RAD54L2: variants seen among roughly 807,000 people sequenced by gnomAD.
The protein encoded by RAD54L2 is helicase ARIP4.
Under a neutral mutation model 138.4 loss-of-function variants are expected in RAD54L2, and 27 were observed. The ratio of observed to expected loss-of-function variants is 0.20; its 90% CI spans 0.14 to 0.27. The LOEUF is 0.27. RAD54L2 is among the 10% of genes least tolerant of loss of function. The pLI, the probability that RAD54L2 is intolerant of heterozygous loss-of-function variation, is 1.00. For synonymous variants in RAD54L2, 644 were observed against 723.2 expected, an observed-to-expected ratio of 0.89 and a Z score of 1.76; for missense variants, 1,396 against 1,890.2, an observed-to-expected ratio of 0.74 and a Z score of 4.85.
At chr3:51,609,963 T>G (rs1229739673) in intron 3 of RAD54L2, among the ~76,000 whole-genome samples, 2 of 72,904 alleles carry the variant, frequency 2.7e-5, no homozygotes, top group Non-Finnish European at 5.2e-5. Flanking sequence ...CCATTTAAAA[T>G]GGATTTGGGG....
At chr3:51,571,051 C>T (rs1010539360) in intron 2 of RAD54L2, among the ~76,000 whole-genome samples, 7 of 152,046 alleles carry the variant, frequency 4.6e-5, no homozygotes, top group African/African-American at 1.7e-4. Flanking sequence ...GAACTCCTGG[C>T]CTCAGGTGAT....
intron 3 of RAD54L2, among the ~76,000 whole-genome samples, chr3:51,615,920 T>G (rs572406061): frequency 1.8e-4 from 28 of 152,194 alleles, no homozygotes; most frequent in Non-Finnish European, 3.1e-4. Flanking sequence ...TTAATCTGCT[T>G]TTTGTTTTCT....
intron 3 of RAD54L2, among the ~76,000 whole-genome samples, chr3:51,592,054 G>GTTTTTTTTTT (rs71084151): frequency 7.5e-5 from 5 of 66,874 alleles, no homozygotes; most frequent in East Asian, 5.8e-4. Flanking sequence ...TGGTTTTGGT[G>GTTTTTTTTTT]TTTTTTTTTT....
intron 3 of RAD54L2, among the ~76,000 whole-genome samples, chr3:51,622,028 G>A (rs1348600583): frequency 6.6e-6 from 1 of 152,208 alleles, no homozygotes; most frequent in Non-Finnish European, 1.5e-5. Flanking sequence ...TGAAAATGCT[G>A]TGGAAGTGTT....
chr3:51,572,986 T>C (rs1287518165), intron 2 of RAD54L2, among the ~76,000 whole-genome samples: 4 of 151,800 alleles, frequency 2.6e-5, no homozygotes, highest in Admixed American at 6.6e-5. Context: ...TGCTAAGATA[T>C]GTGTGTGTGT....
chr3:51,642,948 A>G (rs148529948), intron 15 of RAD54L2, among the ~76,000 whole-genome samples: 1 of 151,974 alleles, frequency 6.6e-6, no homozygotes, highest in Non-Finnish European at 1.5e-5. Flanking sequence ...TCAGTTTTCC[A>G]TGTGGTATTT....
intron 6 of RAD54L2, 57 bp downstream of exon 6, chr3:51,630,445 G>A: frequency 6.7e-7 from 1 of 1,498,450 alleles, no homozygotes. Flanking sequence ...GCTGAGATCG[G>A]CTATACTTTG....
At chr3:51,659,087 A>G (rs1032039542) in intron 21 of RAD54L2, among the ~76,000 whole-genome samples, 2 of 144,292 alleles carry the variant, frequency 1.4e-5, no homozygotes, top group African/African-American at 5.2e-5. Flanking sequence ...TACAAAAACC[A>G]TCCGGCTCTT....
chr3:51,551,514 C>T (rs1206619291), intron 2 of RAD54L2, among the ~76,000 whole-genome samples: 1 of 151,774 alleles, frequency 6.6e-6, no homozygotes, highest in Non-Finnish European at 1.5e-5. Flanking sequence ...CGGCTCACTG[C>T]AACCTCCGCC....
chr3:51,624,974 A>G (rs561247735), intron 3 of RAD54L2, among the ~76,000 whole-genome samples: 167 of 152,282 alleles, frequency 1.1e-3, no homozygotes, highest in African/African-American at 4.0e-3. Context: ...GACCCATGGT[A>G]CATCATTCTT....
At position 51,641,750 on chromosome 3, in the gene RAD54L2, CAG is replaced by C; in HGVS notation, c.2236_2237del (p.Leu747PhefsTer41). ...TGAACGAAATGTTTTCTGTTTCAGCCAGAGTCTTTCCACCTTGGCTCTCATCG... is the reference window on the plus strand; with the variant it reads ...TGAACGAAATGTTTTCTGTTTCAGCCAGTCTTTCCACCTTGGCTCTCATCG... The part of the protein sequence containing the change: ...KLGDKILVFS[Q>X]SLSTLALIEE... On this transcript the variant is annotated frameshift_variant and splice_region_variant, in exon 15 of 23. Transcript: ENST00000684192. LOFTEE classifies it high-confidence loss of function. 6.4e-7 allele frequency: 1 copy of C among 1,573,558 alleles called. No individual in the cohort carries two copies. The highest frequency in any genetic ancestry group is 2.3e-5 in the East Asian group (1 of 43,292).
At chr3:51,620,361 AAT>A (rs1700543143) in intron 3 of RAD54L2, among the ~76,000 whole-genome samples, 1 of 146,914 alleles carries the variant, frequency 6.8e-6, no homozygotes, top group Admixed American at 6.9e-5. Flanking sequence ...AGCCTCCCAG[AAT>A]GCTGGGATTA....
chr3:51,667,123 T>G lies in RAD54L2; in HGVS notation c.*3703T>G, dbSNP rs1480513899. On this transcript the variant is annotated 3_prime_UTR_variant, in exon 23 of 23. Coordinates refer to ENST00000684192, the MANE Select transcript of RAD54L2 (RefSeq NM_015106.4). ...GGGAAGGTCTTCTGGGGGCTTTACATTCCTTGTTACTAGTGTTCTGGATAT... is the reference window on the plus strand; with the variant it reads ...GGGAAGGTCTTCTGGGGGCTTTACAGTCCTTGTTACTAGTGTTCTGGATAT... 6.6e-6 allele frequency: 1 copy of G among 152,138 alleles called. No individual in the cohort carries two copies. The highest frequency in any genetic ancestry group is 1.5e-5 in the Non-Finnish European group (1 of 68,060). The allele number at this position is 152,138 out of a possible 1,614,324, so 9.4% of individuals were successfully genotyped here.
intron 22 of RAD54L2, among the ~76,000 whole-genome samples, chr3:51,660,900 G>A (rs1345989409): frequency 2.6e-5 from 4 of 151,578 alleles, no homozygotes; most frequent in Non-Finnish European, 4.4e-5. Context: ...GATTACAGGT[G>A]TGAGCCACCA....
chr3:51,554,078 A>G (rs1698908015), intron 2 of RAD54L2, among the ~76,000 whole-genome samples: 1 of 152,126 alleles, frequency 6.6e-6, no homozygotes, highest in Admixed American at 6.6e-5. Flanking sequence ...CAATTTCTCA[A>G]AATAAGACAA....
At chr3:51,601,696 G>A (rs1161846899) in intron 3 of RAD54L2, among the ~76,000 whole-genome samples, 4 of 149,018 alleles carry the variant, frequency 2.7e-5, no homozygotes, top group East Asian at 2.0e-4. Flanking sequence ...TGCCCTCCTC[G>A]GCCTCCCAAA....
intron 3 of RAD54L2, among the ~76,000 whole-genome samples, chr3:51,603,662 G>T (rs761586856): frequency 6.6e-6 from 1 of 152,048 alleles, no homozygotes; most frequent in African/African-American, 2.4e-5. Flanking sequence ...GGCTTGGAAG[G>T]CTGCCTGAAA....
chr3:51,585,731 T>C (rs1465013955), intron 2 of RAD54L2, among the ~76,000 whole-genome samples: 1 of 152,218 alleles, frequency 6.6e-6, no homozygotes, highest in Non-Finnish European at 1.5e-5. Flanking sequence ...TATATTAAAC[T>C]GTAGACTTAT....
rs771145134 is a variant in RAD54L2, at chr3:51,629,457, G to A, written c.465G>A (p.Pro155=). The change falls in exon 5 of 23, where the codon CCG becomes CCA. Residue 155 remains proline, a synonymous_variant. Coordinates refer to ENST00000684192, the MANE Select transcript of RAD54L2 (RefSeq NM_015106.4). ...KDYAAPIPTV[P]LEFLPEEIAL... ...ATGCAGCCCCTATTCCTACTGTTCC[G>A]CTGGAGTTCCTCCCTGGTAAGCAGT... The A allele has an allele frequency of 3.5e-5, 57 of 1,612,418 alleles. No individual in the cohort carries two copies. Among genetic ancestry groups the A allele is most frequent in the Non-Finnish European group, 4.3e-5 (51 of 1,179,398 alleles).
Sources: allele counts gnomAD v4.1 joint callset (sites outside exome capture counted in the v4.1 genomes callset), GRCh38; gene constraint gnomAD v4.1.1; transcripts MANE v1.5; gene names NCBI Gene and HGNC (gene_info 2026-07-23, HGNC 2026-07-21).